Variants in EXT1 observed in about 807,000 individuals in gnomAD.
EXT1 encodes the protein exostosin glycosyltransferase 1.
A neutral mutation model predicts 82.5 loss-of-function variants in EXT1; 20 were observed. That is an observed-to-expected ratio of 0.24 (90% CI 0.17 to 0.35). The LOEUF is 0.35. Among genes scored for constraint, EXT1 ranks in the 10% least tolerant of loss-of-function variants. The pLI, the probability that EXT1 is intolerant of heterozygous loss-of-function variation, is 1.00. For missense variants in EXT1, 757 were observed against 936.5 expected, an observed-to-expected ratio of 0.81 and a Z score of 2.50; for synonymous variants, 348 against 350.8, an observed-to-expected ratio of 0.99 and a Z score of 0.09.
intron 1 of EXT1, among the ~76,000 whole-genome samples, chr8:118,019,128 A>T (rs1816054598): frequency 6.6e-6 from 1 of 152,170 alleles, no homozygotes; most frequent in Non-Finnish European, 1.5e-5. Context: ...GCACAAAATA[A>T]GTTGGTACAA....
chr8:117,809,649 A>T (rs1040774258), intron 8 of EXT1, among the ~76,000 whole-genome samples: 9 of 151,844 alleles, frequency 5.9e-5, no homozygotes, highest in Non-Finnish European at 1.0e-4. Flanking sequence ...AAAAAAAAAA[A>T]ATCCAGAGCG....
intron 1 of EXT1, among the ~76,000 whole-genome samples, chr8:117,968,231 C>G (rs1157290868): frequency 6.6e-6 from 1 of 152,080 alleles, no homozygotes; most frequent in Non-Finnish European, 1.5e-5. Flanking sequence ...CCAACCTCCC[C>G]AGTAGCTGTG....
chr8:117,882,459 A>T (rs1453534495), intron 1 of EXT1, among the ~76,000 whole-genome samples: 2 of 152,038 alleles, frequency 1.3e-5, no homozygotes, highest in African/African-American at 4.8e-5. Flanking sequence ...TCCTACTTTA[A>T]TTTCCTCTTG....
intron 1 of EXT1, among the ~76,000 whole-genome samples, chr8:117,951,089 T>TG (rs1387359419): frequency 2.6e-5 from 4 of 152,178 alleles, no homozygotes; most frequent in Non-Finnish European, 5.9e-5. Context: ...CATTTCCTTA[T>TG]GGAAACCTTT....
chr8:117,924,817 T>C (rs1325155472), intron 1 of EXT1, among the ~76,000 whole-genome samples: 1 of 152,216 alleles, frequency 6.6e-6, no homozygotes, highest in African/African-American at 2.4e-5. Context: ...AAAAGGAATC[T>C]TATATTCTAG....
intron 1 of EXT1, among the ~76,000 whole-genome samples, chr8:118,083,532 C>T (rs1817367880): frequency 6.6e-6 from 1 of 152,120 alleles, no homozygotes; most frequent in African/African-American, 2.4e-5. Flanking sequence ...ATTAGGCAGA[C>T]AGGTTCTCTG....
rs535525484 is a variant in EXT1, at chr8:118,110,639, C to A, written c.408G>T (p.Ala136=). The change falls in exon 1 of 11, where the codon GCG becomes GCT. Residue 136 remains alanine (A), a synonymous_variant. Transcript: ENST00000378204. ...KIAESYQNIL[A]AIEGSRFYTS... ...TGTAGAACCTGGAGCCCTCGATGGCCGCTAGAATGTTTTGGTAACTTTCGG... is the reference window on the plus strand; with the variant it reads ...TGTAGAACCTGGAGCCCTCGATGGCAGCTAGAATGTTTTGGTAACTTTCGG... 6.2e-7 allele frequency: 1 copy of A among 1,614,050 alleles called. No homozygotes were observed. Among genetic ancestry groups the A allele is most frequent in the East Asian group, 2.2e-5 (1 of 44,872 alleles).
chr8:118,099,691 A>G (rs1303004432), intron 1 of EXT1, among the ~76,000 whole-genome samples: 1 of 152,236 alleles, frequency 6.6e-6, no homozygotes, highest in African/African-American at 2.4e-5. Flanking sequence ...TGGAGATAAA[A>G]TGGGTATCTT....
intron 1 of EXT1, among the ~76,000 whole-genome samples, chr8:118,071,139 T>C (rs565501358): frequency 1.3e-5 from 2 of 152,340 alleles, no homozygotes; most frequent in Non-Finnish European, 2.9e-5. Context: ...AGTCCACAAA[T>C]GATTCCGTCA....
chr8:118,078,549 T>C (rs989974381), intron 1 of EXT1, among the ~76,000 whole-genome samples: 1 of 151,970 alleles, frequency 6.6e-6, no homozygotes, highest in Non-Finnish European at 1.5e-5. Flanking sequence ...CATGACCATT[T>C]TTTGGTGGGA....
chr8:117,837,663 C>T (rs893201027), intron 1 of EXT1, among the ~76,000 whole-genome samples: 2 of 152,102 alleles, frequency 1.3e-5, no homozygotes, highest in South Asian at 2.1e-4. Context: ...TTCAGAAAAC[C>T]TCAATCACAG....
At chr8:117,950,419 T>C (rs1220412310) in intron 1 of EXT1, among the ~76,000 whole-genome samples, 1 of 152,222 alleles carries the variant, frequency 6.6e-6, no homozygotes, top group Non-Finnish European at 1.5e-5. Context: ...CTGAGTACTT[T>C]GTTCAGGGTT....
intron 1 of EXT1, among the ~76,000 whole-genome samples, chr8:117,860,801 G>C (rs1335594444): frequency 6.6e-6 from 1 of 152,210 alleles, no homozygotes; most frequent in African/African-American, 2.4e-5. Context: ...AGCAGAAGCT[G>C]AGCTGGCTTG....
rs1285562876 is a variant in EXT1 at position 117,818,494 on chromosome 8, C to T, written c.1573G>A (p.Ala525Thr). 1.2e-6 allele frequency: 2 copies of T among 1,613,858 alleles called. No homozygotes were observed. Among genetic ancestry groups the T allele is most frequent in the Non-Finnish European group, 1.7e-6 (2 of 1,180,000 alleles). The change falls in exon 7 of 11, where the codon GCC becomes ACC. Residue 525 changes from alanine (A) to threonine (T), a missense_variant. Ala to Thr is a moderately conservative substitution (Grantham distance 58, BLOSUM62 0). Around this residue, in one of 4 missense-constraint regions of EXT1, gnomAD observed 207 missense variants for 224.2 expected, o/e 0.92. Transcript: ENST00000378204. ...VLWNCDKPLP[A>T]KHRWPATAVP... is the part of the protein sequence containing the mutation. ...GCAGTGGCAGGCCAGCGGTGTTTGGCTGGTAGGGGCTTGTCACAATTCCAT... is the reference window on the plus strand; with the variant it reads ...GCAGTGGCAGGCCAGCGGTGTTTGGTTGGTAGGGGCTTGTCACAATTCCAT...
chr8:117,858,493 GA>G (rs1485876665), intron 1 of EXT1, among the ~76,000 whole-genome samples: 1 of 151,980 alleles, frequency 6.6e-6, no homozygotes, highest in Admixed American at 6.6e-5. Flanking sequence ...CCAGCATGGT[GA>G]AACCCCATCT....
intron 1 of EXT1, among the ~76,000 whole-genome samples, chr8:118,074,544 C>T (rs1817169275): frequency 1.3e-5 from 2 of 150,302 alleles, no homozygotes; most frequent in African/African-American, 4.9e-5. Context: ...TTAGTTGCCT[C>T]GTAGGGGGCT....
At position 117,979,183 on chromosome 8, in the gene EXT1, T is replaced by C. The variant is rs1044927633; in HGVS notation, c.962+130902A>G. Among the ~76,000 whole-genome samples, 3 of 152,056 alleles carry C rather than the reference T, an allele frequency of 2.0e-5. No homozygotes were observed. In the East Asian group the frequency reaches 5.8e-4, roughly 29 times the overall value. ...GCCTGGCCAATATGGTGAAATCCCA[T>C]CTCTACTAAAAACACAAAAATTGGC... On this transcript the variant is annotated intron_variant, in intron 1 of 10. Transcript: ENST00000378204.
intron 1 of EXT1, among the ~76,000 whole-genome samples, chr8:117,939,252 T>C (rs1341327963): frequency 6.6e-6 from 1 of 152,282 alleles, no homozygotes; most frequent in South Asian, 2.1e-4. Context: ...GACAACCCTA[T>C]GAAGCAGGTA....
intron 1 of EXT1, among the ~76,000 whole-genome samples, chr8:117,891,805 CTTT>C (rs33967253): frequency 2.1e-4 from 26 of 121,068 alleles, no homozygotes; most frequent in African/African-American, 7.1e-4. Flanking sequence ...TTTTTTCTTG[CTTT>C]TTTTTTTTTT....
Sources: gnomAD v4.1 joint callset for allele counts (sites outside exome capture counted in the v4.1 genomes callset) on GRCh38, gnomAD v4.1.1 for gene constraint, gnomAD v4.1.1 regional missense constraint, MANE v1.5 for transcripts, NCBI Gene and HGNC (gene_info 2026-07-23, HGNC 2026-07-21) for gene names.